SMARCA2: variants seen among roughly 807,000 people sequenced by gnomAD.
SMARCA2 encodes the protein SWI/SNF-related matrix-associated actin-dependent regulator of chromatin subfamily A member 2.
Under a neutral mutation model 199.8 loss-of-function variants are expected in SMARCA2, and 61 were observed. That is an observed-to-expected ratio of 0.31 (90% CI 0.25 to 0.38). The LOEUF (loss-of-function observed/expected upper bound fraction) is 0.38. Ranked by LOEUF, SMARCA2 falls within the 10% of genes least tolerant of loss-of-function variation. The pLI, the probability that SMARCA2 is intolerant of heterozygous loss-of-function variation, is 1.00. For synonymous variants in SMARCA2, 935 were observed against 732.0 expected (o/e 1.28, Z -4.48); for missense variants, 1,344 against 2,012.2 (o/e 0.67, Z 6.35).
At chr9:2,033,111 T>C (rs1191358583) in intron 3 of SMARCA2, 30 bp downstream of exon 3, 4 of 1,607,670 alleles carry the variant, frequency 2.5e-6, no homozygotes, top group African/African-American at 2.7e-5. Flanking sequence ...CTGATACTGG[T>C]TCCCCAGCAT....
At chr9:2,164,990 G>C (rs1185470758) in intron 28 of SMARCA2, among the ~76,000 whole-genome samples, 1 of 152,138 alleles carries the variant, frequency 6.6e-6, no homozygotes, top group Non-Finnish European at 1.5e-5. Context: ...TCAAGTAGGA[G>C]GCACTCAAAT....
chr9:2,082,122 G>C (rs1821590619), intron 15 of SMARCA2, 127 bp downstream of exon 15: 1 of 773,758 alleles, frequency 1.3e-6, no homozygotes, highest in Non-Finnish European at 2.1e-6. Context: ...AGATTACCAA[G>C]AGCATGTAAT....
intron 1 of SMARCA2, among the ~76,000 whole-genome samples, chr9:2,026,496 G>A (rs192873661): frequency 6.6e-6 from 1 of 152,110 alleles, no homozygotes; most frequent in African/African-American, 2.4e-5. Context: ...GAGATTCCCA[G>A]GTGGAAATGA....
At chr9:2,173,335 C>A (rs1194884471) in intron 29 of SMARCA2, among the ~76,000 whole-genome samples, 1 of 152,196 alleles carries the variant, frequency 6.6e-6, no homozygotes, top group African/African-American at 2.4e-5. Context: ...GACCAGCCAA[C>A]AGGCTCTTGT....
intron 27 of SMARCA2, chr9:2,160,283 G>A (rs1434668868): frequency 2.7e-6 from 1 of 376,658 alleles, no homozygotes; most frequent in East Asian, 4.2e-5. Context: ...GTGGTTATCT[G>A]AACACTGTAG....
At chr9:2,106,924 C>T (rs1822777920) in intron 23 of SMARCA2, among the ~76,000 whole-genome samples, 1 of 152,180 alleles carries the variant, frequency 6.6e-6, no homozygotes, top group South Asian at 2.1e-4. Context: ...TAATTTTCAA[C>T]ACAGTTGCCC....
chr9:2,028,897 AATGG>A lies in SMARCA2; in HGVS notation c.-36-89_-36-86del, dbSNP rs1286068596. ...AGCTCTGTTTGATGTTTGTTACAGA[AATGG>A]CACCATCAAATGCTAACAATTGTTT... On this transcript the variant is annotated intron_variant, in intron 1 of 33. Transcript: ENST00000349721. The A allele has an allele frequency of 1.1e-5, 12 of 1,072,468 alleles. No individual in the cohort carries two copies. The African/African-American group carries it at 1.4e-4, about 13-fold the overall frequency. The allele number at this position is 1,072,468 out of a possible 1,614,324, so 66.4% of individuals were successfully genotyped here. A position where few individuals can be genotyped will look rare whatever the true frequency, so the allele number is the denominator to read the frequency against.
At position 2,047,279 on chromosome 9, in the gene SMARCA2, C is replaced by T; in HGVS notation, c.841C>T (p.Pro281Ser). Residue 281 changes from proline to serine, a missense_variant, in exon 5 of 34, where the codon CCC (proline) becomes TCC (serine). Around this residue, in one of 18 missense-constraint regions of SMARCA2, gnomAD observed 117 missense variants for 99.1 expected, o/e 1.18. Transcript: ENST00000349721. ...GAGCACCCCGCAGAAGCTGCCGGTG[C>T]CCGCGCCCGGCGGCCGGCCCTCGCC... Reference protein sequence around the residue: ...GPSTPQKLPVPAPGGRPSPAP... With the variant: ...GPSTPQKLPVSAPGGRPSPAP... 1.0e-6 allele frequency: 1 copy of T among 996,956 alleles called. No homozygotes were observed. The highest frequency in any genetic ancestry group is 1.2e-6 in the Non-Finnish European group (1 of 838,784). The allele number at this position is 996,956 out of a possible 1,614,324, so 61.8% of individuals were successfully genotyped here.
intron 14 of SMARCA2, among the ~76,000 whole-genome samples, chr9:2,079,530 C>T (rs1423113201): frequency 6.6e-6 from 1 of 152,192 alleles, no homozygotes; most frequent in Non-Finnish European, 1.5e-5. Flanking sequence ...GTGCAGACGT[C>T]AACACAGTAA....
chr9:2,058,940 C>T (rs899360515), intron 8 of SMARCA2, among the ~76,000 whole-genome samples: 4 of 152,182 alleles, frequency 2.6e-5, no homozygotes, highest in African/African-American at 2.4e-5. Flanking sequence ...AAATTATTCT[C>T]TAACAGTGTA....
intron 29 of SMARCA2, among the ~76,000 whole-genome samples, chr9:2,179,681 A>T (rs1329535547): frequency 6.6e-6 from 1 of 152,174 alleles, no homozygotes; most frequent in Non-Finnish European, 1.5e-5. Flanking sequence ...TAGCACAGTT[A>T]AAATTAAGAG....
At position 2,161,986 on chromosome 9, in the gene SMARCA2, G is replaced by C; in HGVS notation, c.4199+83G>C. The C allele has an allele frequency of 9.2e-7, 1 of 1,092,140 alleles. No individual in the cohort carries two copies. Among genetic ancestry groups the C allele is most frequent in the Non-Finnish European group, 1.3e-6 (1 of 752,126 alleles). 67.7% of individuals were successfully genotyped at this position (1,092,140 alleles called of 1,614,324 possible). On this transcript the variant is annotated intron_variant, in intron 28 of 33. Transcript: ENST00000349721. The surrounding 1 kb of genome is among the most constrained non-coding windows in gnomAD (Gnocchi z 4.7). ...CCTGAGGAGCAGGAGTTGTTAAGTTGTGCACTTAGGTTTTATTAAGGTTCT... is the reference window on the plus strand; with the variant it reads ...CCTGAGGAGCAGGAGTTGTTAAGTTCTGCACTTAGGTTTTATTAAGGTTCT...
At chr9:2,071,173 G>A (rs1370454160) in intron 10 of SMARCA2, among the ~76,000 whole-genome samples, 2 of 152,086 alleles carry the variant, frequency 1.3e-5, no homozygotes, top group Non-Finnish European at 2.9e-5. Context: ...GATCAGAGTG[G>A]GTGGGAGGTT....
rs577993108 is a variant in SMARCA2, at chr9:2,182,361, T to G, written c.4461+119T>G. The G allele has an allele frequency of 6.3e-5, 40 of 638,808 alleles. No individual in the cohort carries two copies. In the South Asian group the frequency reaches 7.3e-4, roughly 12 times the overall value. The allele number at this position is 638,808 out of a possible 1,614,324, so 39.6% of individuals were successfully genotyped here. Reference sequence around the variant, plus strand: ...TTGCTACTGGCAGAAGAAAAATAACTAAAAGCCTATGTTCCTTGCTACCTG... The same window carrying G: ...TTGCTACTGGCAGAAGAAAAATAACGAAAAGCCTATGTTCCTTGCTACCTG... On this transcript the variant is annotated intron_variant, in intron 31 of 33. Transcript: ENST00000349721.
intron 31 of SMARCA2, 151 bp downstream of exon 31, chr9:2,182,393 A>C: frequency 1.7e-6 from 1 of 585,010 alleles, no homozygotes; most frequent in African/African-American, 1.9e-5. Flanking sequence ...CCTGTGTAAG[A>C]AAATAGAGGC....
In SMARCA2 at chr9:2,169,605, G is replaced by A. The variant is rs183176350; in HGVS notation, c.4200-814G>A. On this transcript the variant is annotated intron_variant, in intron 28 of 33. Transcript: ENST00000349721. The surrounding 1 kb of genome is among the most constrained non-coding windows in gnomAD (Gnocchi z 6.5). ...TAGAGCAGAATGGGGCAGTGACTCCGAGAAGGGATTTATACATGGACAGGC... is the reference window on the plus strand; with the variant it reads ...TAGAGCAGAATGGGGCAGTGACTCCAAGAAGGGATTTATACATGGACAGGC... Among the ~76,000 whole-genome samples, 535 of 152,234 alleles carry A rather than the reference G, an allele frequency of 3.5e-3. 3 individuals are homozygous for A. Among genetic ancestry groups the A allele is most frequent in the African/African-American group, 0.012 (483 of 41,530 alleles).
chr9:2,185,806 T>A (rs1255756803), intron 31 of SMARCA2, among the ~76,000 whole-genome samples: 1 of 152,216 alleles, frequency 6.6e-6, no homozygotes, highest in Non-Finnish European at 1.5e-5. Context: ...AATGTAGTTT[T>A]AAAAAATACC....
At chr9:2,111,491 CAAAAA>C (rs148112929) in intron 24 of SMARCA2, among the ~76,000 whole-genome samples, 2 of 86,980 alleles carry the variant, frequency 2.3e-5, no homozygotes, top group African/African-American at 7.2e-5. Flanking sequence ...GACCGTGTCT[CAAAAA>C]AAAAAAAAAA....
intron 28 of SMARCA2, among the ~76,000 whole-genome samples, chr9:2,164,166 C>G (rs928544979): frequency 1.3e-5 from 2 of 152,164 alleles, no homozygotes; most frequent in Non-Finnish European, 2.9e-5. Context: ...GCCCGACTCA[C>G]TTCATTCATT....
Sources: allele counts gnomAD v4.1 joint callset (sites outside exome capture counted in the v4.1 genomes callset), GRCh38; gene constraint gnomAD v4.1.1; regional missense constraint gnomAD v4.1.1; non-coding constraint Gnocchi (gnomAD v3.1); transcripts MANE v1.5; gene names NCBI Gene and HGNC (gene_info 2026-07-23, HGNC 2026-07-21).